Variants in TNFRSF19 observed in about 807,000 individuals in gnomAD.
TNFRSF19 encodes the protein tumor necrosis factor receptor superfamily member 19.
TNFRSF19 carries 27 observed loss-of-function variants against 46.4 expected under a neutral mutation model. The observed-to-expected ratio is 0.58, with a 90% CI of 0.43 to 0.80. The LOEUF (loss-of-function observed/expected upper bound fraction) is 0.80. TNFRSF19 is among the 30% of genes least tolerant of loss of function. The pLI is 0.00. For missense variants in TNFRSF19, 511 were observed against 530.8 expected (o/e 0.96, Z 0.37); for synonymous variants, 204 against 205.0 (o/e 1.00, Z 0.04).
At chr13:23,609,470 G>T (rs570726125) in intron 3 of TNFRSF19, among the ~76,000 whole-genome samples, 1 of 152,016 alleles carries the variant, frequency 6.6e-6, no homozygotes, top group Admixed American at 6.6e-5. Context: ...CCTAGAATTC[G>T]CCCAGCCCCA....
At chr13:23,605,116 AAAAC>A (rs1248849107) in intron 3 of TNFRSF19, among the ~76,000 whole-genome samples, 1 of 152,218 alleles carries the variant, frequency 6.6e-6, no homozygotes, top group Non-Finnish European at 1.5e-5. Flanking sequence ...TAACACTGAG[AAAAC>A]AAACAAATCC....
chr13:23,631,939 C>T (rs1025678589), intron 5 of TNFRSF19, among the ~76,000 whole-genome samples: 15 of 152,166 alleles, frequency 9.9e-5, no homozygotes, highest in South Asian at 4.1e-4. Context: ...CATAATGAGA[C>T]GCAGATGAGA....
intron 1 of TNFRSF19, among the ~76,000 whole-genome samples, chr13:23,582,757 TG>T (rs1878545601): frequency 6.6e-6 from 1 of 152,222 alleles, no homozygotes; most frequent in Non-Finnish European, 1.5e-5. Flanking sequence ...TGATCTGCTT[TG>T]TCATTATGTA....
At chr13:23,652,211 C>G (rs1004129955) in intron 5 of TNFRSF19, among the ~76,000 whole-genome samples, 1 of 152,144 alleles carries the variant, frequency 6.6e-6, no homozygotes, top group Non-Finnish European at 1.5e-5. Flanking sequence ...TTTCTCCATA[C>G]CTCTGTCTAC....
At chr13:23,573,888 C>G (rs1877785048) in intron 1 of TNFRSF19, among the ~76,000 whole-genome samples, 1 of 151,820 alleles carries the variant, frequency 6.6e-6, no homozygotes, top group Admixed American at 6.6e-5. Context: ...TGGTGAAACC[C>G]CATCTCTACT....
rs576838610 is a variant in TNFRSF19 at position 23,575,498 on chromosome 13, A to T, written c.-35+4650A>T. On this transcript the variant is annotated intron_variant, in intron 1 of 9. Coordinates refer to ENST00000248484, the MANE Select transcript of TNFRSF19 (RefSeq NM_148957.4). The stretch of plus-strand genomic sequence containing the variant: ...GGCATTGGCCTCACGGTGCTCCCTC[A>T]GCCCCATGCTGATAGTCTATAATTG... Among the ~76,000 whole-genome samples, 3 of 152,350 alleles carry T rather than the reference A, an allele frequency of 2.0e-5. No homozygotes were observed. In the East Asian group the frequency reaches 5.8e-4, roughly 29 times the overall value.
At chr13:23,574,287 G>A (rs1877818320) in intron 1 of TNFRSF19, among the ~76,000 whole-genome samples, 1 of 151,962 alleles carries the variant, frequency 6.6e-6, no homozygotes, top group Admixed American at 6.6e-5. Flanking sequence ...TCAAGTACTT[G>A]TGCAAGGATA....
At chr13:23,665,409 T>C (rs2138407846) in intron 7 of TNFRSF19, among the ~76,000 whole-genome samples, 1 of 152,362 alleles carries the variant, frequency 6.6e-6, no homozygotes, top group East Asian at 1.9e-4. Flanking sequence ...CCCATGCCAA[T>C]GCACTGGTTC....
intron 3 of TNFRSF19, 149 bp downstream of exon 3, chr13:23,593,604 T>A (rs1879481530): frequency 1.6e-6 from 1 of 634,600 alleles, no homozygotes; most frequent in Non-Finnish European, 2.7e-6. Context: ...TATCATACAA[T>A]TCCTTTTTTA....
chr13:23,609,238 T>C (rs915609149), intron 3 of TNFRSF19, among the ~76,000 whole-genome samples: 1 of 152,182 alleles, frequency 6.6e-6, no homozygotes, highest in East Asian at 1.9e-4. Flanking sequence ...AGAAAGATAA[T>C]TCAGAATATT....
At chr13:23,579,048 G>A (rs1242785680) in intron 1 of TNFRSF19, among the ~76,000 whole-genome samples, 1 of 152,208 alleles carries the variant, frequency 6.6e-6, no homozygotes, top group South Asian at 2.1e-4. Flanking sequence ...GAAAGGTGGG[G>A]AACACCCCGG....
intron 5 of TNFRSF19, among the ~76,000 whole-genome samples, chr13:23,636,663 G>A (rs1259639067): frequency 6.6e-6 from 1 of 152,162 alleles, no homozygotes; most frequent in Non-Finnish European, 1.5e-5. Flanking sequence ...CTGAAAGAGG[G>A]GAGGAGGCAG....
chr13:23,612,228 C>A (rs2138244384), intron 3 of TNFRSF19, among the ~76,000 whole-genome samples: 1 of 152,290 alleles, frequency 6.6e-6, no homozygotes, highest in South Asian at 2.1e-4. Context: ...TGTCGAGCTT[C>A]CCTTTCAGCT....
At chr13:23,571,649 T>C (rs780709238) in intron 1 of TNFRSF19, among the ~76,000 whole-genome samples, 12 of 152,202 alleles carry the variant, frequency 7.9e-5, no homozygotes, top group Admixed American at 1.3e-4. Context: ...TCAACAGTTA[T>C]TATGTTACAT....
At chr13:23,582,320 G>A (rs1287991591) in intron 1 of TNFRSF19, among the ~76,000 whole-genome samples, 1 of 151,538 alleles carries the variant, frequency 6.6e-6, no homozygotes, top group Non-Finnish European at 1.5e-5. Context: ...AGAATGGCGT[G>A]AACCCGGGAG....
intron 2 of TNFRSF19, among the ~76,000 whole-genome samples, chr13:23,592,968 T>G (rs1879422810): frequency 7.0e-6 from 1 of 143,558 alleles, no homozygotes; most frequent in Non-Finnish European, 1.5e-5. Context: ...GGGTCATATA[T>G]CAAAGAAAGT....
chr13:23,595,035 A>G (rs1879614874), intron 3 of TNFRSF19, among the ~76,000 whole-genome samples: 1 of 152,258 alleles, frequency 6.6e-6, no homozygotes, highest in Admixed American at 6.5e-5. Context: ...GACTGTTTGT[A>G]GGAAAACTAA....
intron 3 of TNFRSF19, among the ~76,000 whole-genome samples, chr13:23,608,548 T>C (rs1593251919): frequency 6.6e-6 from 1 of 152,186 alleles, no homozygotes; most frequent in East Asian, 1.9e-4. Context: ...CACGTGGGAG[T>C]AGCAATCTCT....
Position 23,660,502 on chromosome 13 carries a change from AG to A in TNFRSF19, c.736+15del. On this transcript the variant is annotated intron_variant, in intron 7 of 9. Coordinates refer to ENST00000248484, the MANE Select transcript of TNFRSF19 (RefSeq NM_148957.4). ...AGTGCAGACCTGCGGTAAGTTCAGC[AG>A]GGAAGTGCCGTTAGGAGGACTGGAG... is the stretch of plus-strand genomic sequence containing the variant. The A allele has an allele frequency of 6.2e-7, 1 of 1,611,542 alleles. No individual in the cohort carries two copies. Among genetic ancestry groups the A allele is most frequent in the South Asian group, 1.1e-5 (1 of 90,686 alleles).
Sources: gnomAD v4.1 joint callset for allele counts (sites outside exome capture counted in the v4.1 genomes callset) on GRCh38, gnomAD v4.1.1 for gene constraint, MANE v1.5 for transcripts, NCBI Gene and HGNC (gene_info 2026-07-23, HGNC 2026-07-21) for gene names.